ZFP90: variants seen among roughly 807,000 people sequenced by gnomAD.
ZFP90 encodes the protein zinc finger protein 90 homolog.
A neutral mutation model predicts 60.8 loss-of-function variants in ZFP90; 38 were observed. The observed-to-expected ratio is 0.62, with a 90% CI of 0.48 to 0.82. The LOEUF (loss-of-function observed/expected upper bound fraction) is 0.82. Ranked by LOEUF, ZFP90 falls within the 40% of genes least tolerant of loss-of-function variation. The pLI, the probability that ZFP90 is intolerant of heterozygous loss-of-function variation, is 0.00. For synonymous variants in ZFP90, 287 were observed against 264.8 expected (o/e 1.08, Z -0.82); for missense variants, 711 against 759.1 (o/e 0.94, Z 0.74).
At chr16:68,569,136 C>CTTTTTTTTTT (rs35827680), downstream of ZFP90, among the ~76,000 whole-genome samples, 3 of 123,042 alleles carry the variant, frequency 2.4e-5, 1 homozygote, top group African/African-American at 9.2e-5. Context: ...ATTAGTCCCA[C>CTTTTTTTTTT]TTTTTTTTTT....
At chr16:68,543,558 C>G (rs898746799) in intron 2 of ZFP90, among the ~76,000 whole-genome samples, 1 of 82,146 alleles carries the variant, frequency 1.2e-5, no homozygotes, top group African/African-American at 6.1e-5. Context: ...CCTTATTTGC[C>G]TTTTTTTCTT....
At chr16:68,560,408 C>T (rs1355939076) in intron 4 of ZFP90, among the ~76,000 whole-genome samples, 1 of 152,148 alleles carries the variant, frequency 6.6e-6, no homozygotes, top group Non-Finnish European at 1.5e-5. Flanking sequence ...TTTCACTTAG[C>T]ATGATGTTTT....
intron 2 of ZFP90, among the ~76,000 whole-genome samples, chr16:68,542,361 C>CA (rs2091066003): frequency 6.6e-6 from 1 of 152,068 alleles, no homozygotes; most frequent in African/African-American, 2.4e-5. Flanking sequence ...GAGGCGGAGG[C>CA]AAGCGGATCA....
chr16:68,569,549 T>C (rs2152078065), downstream of ZFP90, among the ~76,000 whole-genome samples: 1 of 152,270 alleles, frequency 6.6e-6, no homozygotes, highest in East Asian at 1.9e-4. Context: ...TCTGCAGCAC[T>C]TCGCCCAGTC....
At chr16:68,540,223 C>T (rs1412394096) in intron 2 of ZFP90, among the ~76,000 whole-genome samples, 1 of 152,004 alleles carries the variant, frequency 6.6e-6, no homozygotes, top group Non-Finnish European at 1.5e-5. Context: ...AGCTTCTGAC[C>T]CAGGGCCCAT....
At chr16:68,560,542 TTTATTTATTTA>T (rs1567408051) in intron 4 of ZFP90, among the ~76,000 whole-genome samples, 5 of 151,742 alleles carry the variant, frequency 3.3e-5, no homozygotes, top group East Asian at 3.9e-4. Context: ...CTGGATTTTA[TTTATTTATTTA>T]TTTATTTATT....
At chr16:68,574,646 G>A (rs201745689) in intron 2 of ZFP90, among the ~76,000 whole-genome samples, 9 of 152,196 alleles carry the variant, frequency 5.9e-5, no homozygotes, top group South Asian at 2.1e-4. Flanking sequence ...CGCGTGGACC[G>A]GGTGTGGTGC....
At chr16:68,548,330 A>C (rs2091189753) in intron 2 of ZFP90, among the ~76,000 whole-genome samples, 1 of 152,110 alleles carries the variant, frequency 6.6e-6, no homozygotes, top group Non-Finnish European at 1.5e-5. Flanking sequence ...TTTTGGCAAC[A>C]ATTTTCTCTA....
chr16:68,547,580 AT>A (rs986893468), intron 2 of ZFP90, among the ~76,000 whole-genome samples: 17 of 151,856 alleles, frequency 1.1e-4, no homozygotes, highest in Non-Finnish European at 1.8e-4. Flanking sequence ...CCTTATGCAT[AT>A]TTTTCCCCTT....
chr16:68,552,923 A>G (rs557721904), intron 2 of ZFP90, among the ~76,000 whole-genome samples: 1 of 152,226 alleles, frequency 6.6e-6, no homozygotes, highest in African/African-American at 2.4e-5. Context: ...ATGGTGGCAC[A>G]CACCTGTGGT....
At chr16:68,549,012 G>A (rs2091206084) in intron 2 of ZFP90, among the ~76,000 whole-genome samples, 2 of 151,966 alleles carry the variant, frequency 1.3e-5, no homozygotes, top group South Asian at 4.1e-4. Context: ...CCTGCATTGA[G>A]AATTACCCAG....
intron 2 of ZFP90, among the ~76,000 whole-genome samples, chr16:68,534,233 CTT>C (rs869142804): frequency 4.2e-5 from 6 of 141,466 alleles, no homozygotes; most frequent in Admixed American, 2.1e-4. Context: ...TTCTTTCTTT[CTT>C]TTTTTTTTTT....
chr16:68,545,513 T>A (rs988944416), intron 2 of ZFP90, among the ~76,000 whole-genome samples: 1 of 152,198 alleles, frequency 6.6e-6, no homozygotes, highest in Non-Finnish European at 1.5e-5. Context: ...TCAAAACCTG[T>A]TCCTCTAAGA....
At chr16:68,569,359 ACTC>A (rs1203274979), downstream of ZFP90, among the ~76,000 whole-genome samples, 5 of 149,730 alleles carry the variant, frequency 3.3e-5, no homozygotes, top group African/African-American at 1.2e-4. Flanking sequence ...CTAGTCTTGA[ACTC>A]CTGACCTCAT....
chr16:68,541,554 C>T (rs2091050044), intron 2 of ZFP90, among the ~76,000 whole-genome samples: 1 of 152,128 alleles, frequency 6.6e-6, no homozygotes, highest in Non-Finnish European at 1.5e-5. Context: ...CTCCTGACCT[C>T]CCAAAGTTCT....
chr16:68,572,124 G>C (rs959975134), downstream of ZFP90, among the ~76,000 whole-genome samples: 9 of 151,802 alleles, frequency 5.9e-5, 1 homozygote, highest in East Asian at 1.7e-3. Flanking sequence ...TCTGTCCTTA[G>C]TCGCCCAAGC....
At chr16:68,575,101 A>G (rs2091587327) in intron 2 of ZFP90, among the ~76,000 whole-genome samples, 1 of 152,234 alleles carries the variant, frequency 6.6e-6, no homozygotes, top group Non-Finnish European at 1.5e-5. Flanking sequence ...CAACTGACAC[A>G]GGATTTTTCT....
downstream of ZFP90, among the ~76,000 whole-genome samples, chr16:68,570,562 C>T (rs183306007): frequency 2.4e-4 from 36 of 152,328 alleles, no homozygotes; most frequent in African/African-American, 7.7e-4. Flanking sequence ...ACTTCTTGGC[C>T]ATTGCCATGG....
Position 68,563,230 on chromosome 16 carries a change from T to A in ZFP90, c.443T>A (p.Ile148Lys), listed in dbSNP as rs770840554. 25 of 1,613,306 alleles carry A rather than the reference T, an allele frequency of 1.5e-5. No homozygotes were observed. In the East Asian group the frequency reaches 5.6e-4, roughly 36 times the overall value. The change falls in exon 5 of 5, where the codon ATA becomes AAA. Residue 148 changes from isoleucine to lysine, a missense_variant. Transcript: ENST00000563169. ...TCAGAGGCATCCACCCAGAAGAAAA[T>A]AATTACACCACAAGAAAATTTTGAG... ...LGSEASTQKK[I>K]ITPQENFEQN...
Sources: allele counts gnomAD v4.1 joint callset (sites outside exome capture counted in the v4.1 genomes callset), GRCh38; gene constraint gnomAD v4.1.1; transcripts MANE v1.5; gene names NCBI Gene and HGNC (gene_info 2026-07-23, HGNC 2026-07-21).